TRAPPC8: variants seen among roughly 807,000 people sequenced by gnomAD.
The protein encoded by TRAPPC8 is general sporulation gene 1 homolog.
Under a neutral mutation model 174.3 loss-of-function variants are expected in TRAPPC8, and 54 were observed. That is an observed-to-expected ratio of 0.31 (90% confidence interval 0.25 to 0.39). The LOEUF (loss-of-function observed/expected upper bound fraction) is 0.39. Among genes scored for constraint, TRAPPC8 ranks in the 10% least tolerant of loss-of-function variants. The pLI, the probability that TRAPPC8 is intolerant of heterozygous loss-of-function variation, is 1.00. For synonymous variants in TRAPPC8, 630 were observed against 579.9 expected (o/e 1.09, Z -1.24); for missense variants, 1,531 against 1,699.1 (o/e 0.90, Z 1.74).
chr18:31,929,998 G>GA (rs1482415311), intron 2 of TRAPPC8, among the ~76,000 whole-genome samples: 1 of 150,402 alleles, frequency 6.6e-6, no homozygotes, highest in East Asian at 1.9e-4. Flanking sequence ...AAAGAAAAAA[G>GA]AAAAAAATAC....
At chr18:31,918,041 G>A (rs1164015811) in intron 2 of TRAPPC8, among the ~76,000 whole-genome samples, 1 of 152,086 alleles carries the variant, frequency 6.6e-6, no homozygotes, top group East Asian at 1.9e-4. Context: ...CAGTAGAACT[G>A]CTTGAACCCG....
chr18:31,870,332 G>A (rs1444452997), intron 16 of TRAPPC8, 40 bp downstream of exon 16: 1 of 1,562,002 alleles, frequency 6.4e-7, no homozygotes, highest in Non-Finnish European at 8.7e-7. Context: ...TTGTTAGGCT[G>A]TAGCTGAAAC....
chr18:31,840,762 A>C (rs2033047280), intron 26 of TRAPPC8, among the ~76,000 whole-genome samples: 1 of 149,002 alleles, frequency 6.7e-6, no homozygotes, highest in Admixed American at 6.7e-5. Flanking sequence ...TTTCAGTGTA[A>C]GTTTGCTGAC....
intron 12 of TRAPPC8, among the ~76,000 whole-genome samples, chr18:31,878,324 G>A (rs1397914494): frequency 6.6e-6 from 1 of 152,002 alleles, no homozygotes; most frequent in Non-Finnish European, 1.5e-5. Flanking sequence ...AAGAGATTTG[G>A]GGCCTGTTTT....
chr18:31,942,625 G>A lies in TRAPPC8; in HGVS notation c.140C>T (p.Ser47Phe), dbSNP rs374865943. The A allele has an allele frequency of 5.0e-6, 8 of 1,607,428 alleles. No homozygotes were observed. The highest frequency in any genetic ancestry group is 6.8e-6 in the Non-Finnish European group (8 of 1,176,658). ...LSFAELLKPF[S>F]RLTSEVHMRD... ...CCACATACCCTCGGAAGTGAGGCGG[G>A]AGAAGGGCTTAAGCAGCTCCGCGAA... The change falls in exon 1 of 29, where the codon TCC becomes TTC. Residue 47 changes from serine (S) to phenylalanine (F), a missense_variant. Ser to Phe is a radical substitution (Grantham distance 155). Transcript: ENST00000283351.
At chr18:31,906,996 A>G in intron 9 of TRAPPC8, among the ~76,000 whole-genome samples, 1 of 152,234 alleles carries the variant, frequency 6.6e-6, no homozygotes, top group East Asian at 1.9e-4. Context: ...AAAAACTTCT[A>G]AAAAAATTTT....
Position 31,839,367 on chromosome 18 carries a change from T to C in TRAPPC8, c.3928A>G (p.Ile1310Val). The change falls in exon 27 of 29, where the codon ATT (isoleucine) becomes GTT (valine). Residue 1310 changes from isoleucine (I) to valine (V), a missense_variant. Coordinates refer to ENST00000283351, the MANE Select transcript of TRAPPC8 (RefSeq NM_014939.5). ...RPSVEQLSSL[I>V]KTSLHYPESF... ...TCTGGGTAGTGAAGACTCGTTTTAA[T>C]GAGACTAGAAAGCTGCTCTACTGAT... 6.2e-7 allele frequency: 1 copy of C among 1,612,322 alleles called. No individual in the cohort carries two copies. The highest frequency in any genetic ancestry group is 8.5e-7 in the Non-Finnish European group (1 of 1,179,206).
intron 26 of TRAPPC8, among the ~76,000 whole-genome samples, chr18:31,845,467 T>G (rs917909766): frequency 1.3e-5 from 2 of 151,860 alleles, no homozygotes; most frequent in Non-Finnish European, 2.9e-5. Context: ...TGTTGTAGTT[T>G]TTTTTTTTTA....
At chr18:31,920,641 A>C (rs574681073) in intron 2 of TRAPPC8, among the ~76,000 whole-genome samples, 1 of 151,926 alleles carries the variant, frequency 6.6e-6, no homozygotes, top group African/African-American at 2.4e-5. Context: ...CTCTACTAAA[A>C]AAAAATACAA....
chr18:31,942,911 C>T lies in TRAPPC8; in HGVS notation c.-147G>A. On this transcript the variant is annotated 5_prime_UTR_variant, in exon 1 of 29. Transcript: ENST00000283351. ...ACTGGAGCCTAGAAACAAGAAGGAA[C>T]AGACGCCGCCGCTTCGGTTTCTGGG... 8.1e-7 allele frequency: 1 copy of T among 1,239,348 alleles called. No homozygotes were observed. The highest frequency in any genetic ancestry group is 3.2e-5 in the East Asian group (1 of 31,650). 76.8% of individuals were successfully genotyped at this position (1,239,348 alleles called of 1,614,324 possible).
At chr18:31,921,755 T>C (rs79056087) in intron 2 of TRAPPC8, among the ~76,000 whole-genome samples, 5,413 of 152,320 alleles carry the variant, frequency 0.036, 131 homozygotes, top group Middle Eastern at 0.054. Flanking sequence ...CGGAATGTGA[T>C]TACATATTTC....
At chr18:31,852,280 G>T (rs1175036943) in intron 24 of TRAPPC8, among the ~76,000 whole-genome samples, 166 bp downstream of exon 24, 1 of 152,164 alleles carries the variant, frequency 6.6e-6, no homozygotes, top group African/African-American at 2.4e-5. Context: ...AGTCGAGGCT[G>T]CAGTGAGCTG....
intron 2 of TRAPPC8, among the ~76,000 whole-genome samples, chr18:31,919,915 T>C (rs939176385): frequency 1.3e-5 from 2 of 151,782 alleles, no homozygotes; most frequent in South Asian, 2.1e-4. Context: ...CAGAAAACAT[T>C]ACAATCTACA....
At position 31,942,779 on chromosome 18, in the gene TRAPPC8, C is replaced by T; in HGVS notation, c.-15G>A. 6 of 1,411,730 alleles carry T rather than the reference C, an allele frequency of 4.3e-6. No homozygotes were observed. The highest frequency in any genetic ancestry group is 1.5e-5 in the African/African-American group (1 of 67,344). 87.5% of individuals were successfully genotyped at this position (1,411,730 alleles called of 1,614,324 possible). On this transcript the variant is annotated 5_prime_UTR_variant, in exon 1 of 29. Coordinates refer to ENST00000283351, the MANE Select transcript of TRAPPC8 (RefSeq NM_014939.5). ...CACTGGGCCATCGCCGCAGCACAGGCAGCGGCGGCGCCCGCCCTCCGGCCC... is the reference window on the plus strand; with the variant it reads ...CACTGGGCCATCGCCGCAGCACAGGTAGCGGCGGCGCCCGCCCTCCGGCCC...
At chr18:31,919,729 T>G (rs1043089197) in intron 2 of TRAPPC8, among the ~76,000 whole-genome samples, 6 of 151,512 alleles carry the variant, frequency 4.0e-5, no homozygotes, top group African/African-American at 1.5e-4. Flanking sequence ...GGTATTGTGA[T>G]GCATGCCTGT....
chr18:31,930,478 A>C (rs1159503739), intron 2 of TRAPPC8, among the ~76,000 whole-genome samples: 1 of 152,178 alleles, frequency 6.6e-6, no homozygotes, highest in Non-Finnish European at 1.5e-5. Context: ...ATTATAAACT[A>C]TCCTGGCCTA....
At chr18:31,874,455 T>C (rs2145222113) in intron 13 of TRAPPC8, 25 bp downstream of exon 13, 1 of 1,585,616 alleles carries the variant, frequency 6.3e-7, no homozygotes, top group Non-Finnish European at 8.7e-7. Flanking sequence ...TTAATATCTA[T>C]TCCTGAATGA....
intron 9 of TRAPPC8, among the ~76,000 whole-genome samples, chr18:31,907,023 T>G (rs1340341532): frequency 6.6e-6 from 1 of 152,162 alleles, no homozygotes; most frequent in Non-Finnish European, 1.5e-5. Context: ...TTAAATATAT[T>G]AGAAAATGAA....
intron 25 of TRAPPC8, among the ~76,000 whole-genome samples, chr18:31,848,974 T>C (rs1035647614): frequency 2.0e-5 from 3 of 152,108 alleles, no homozygotes; most frequent in African/African-American, 7.2e-5. Context: ...AAATAGTATA[T>C]TTAAATAATC....
Sources: allele counts gnomAD v4.1 joint callset (sites outside exome capture counted in the v4.1 genomes callset), GRCh38; gene constraint gnomAD v4.1.1; transcripts MANE v1.5; gene names NCBI Gene and HGNC (gene_info 2026-07-23, HGNC 2026-07-21).